SAMD3: variants seen among roughly 807,000 people sequenced by gnomAD.
SAMD3 encodes the protein sterile alpha motif domain-containing protein 3.
SAMD3 carries 63 observed loss-of-function variants against 58.5 expected under a neutral mutation model. That is an observed-to-expected ratio of 1.08 (90% CI 0.88 to 1.33). SAMD3 has a LOEUF of 1.33. SAMD3 is among the 40% of genes most tolerant of loss of function. The pLI is 0.00. For missense variants in SAMD3, 604 were observed against 608.4 expected (o/e 0.99, Z 0.08); for synonymous variants, 220 against 210.3 (o/e 1.05, Z -0.40).
At chr6:130,197,488 G>A (rs908633173) in intron 5 of SAMD3, among the ~76,000 whole-genome samples, 4 of 152,144 alleles carry the variant, frequency 2.6e-5, no homozygotes, top group Non-Finnish European at 5.9e-5. Context: ...GTCCTGAGTC[G>A]TCCCAATTCT....
At chr6:130,327,280 G>A (rs996374959) in intron 1 of SAMD3, among the ~76,000 whole-genome samples, 1 of 151,806 alleles carries the variant, frequency 6.6e-6, no homozygotes, top group Non-Finnish European at 1.5e-5. Flanking sequence ...AAAAATCAGA[G>A]GCTAAAGAAG....
At chr6:130,171,234 A>T (rs1791220193) in intron 8 of SAMD3, among the ~76,000 whole-genome samples, 1 of 152,168 alleles carries the variant, frequency 6.6e-6, no homozygotes, top group Non-Finnish European at 1.5e-5. Flanking sequence ...TATGTAATGG[A>T]TTATGTTTAT....
At chr6:130,227,616 C>T (rs1373774493), upstream of SAMD3, among the ~76,000 whole-genome samples, 2 of 152,006 alleles carry the variant, frequency 1.3e-5, no homozygotes, top group Non-Finnish European at 2.9e-5. Context: ...GGTGAAACCT[C>T]GTCTCTACCA....
At chr6:130,324,040 C>T (rs1040770865) in intron 1 of SAMD3, among the ~76,000 whole-genome samples, 1 of 151,254 alleles carries the variant, frequency 6.6e-6, no homozygotes, top group South Asian at 2.1e-4. Context: ...CATCTTGGAA[C>T]TTTTTTTTTA....
intron 2 of SAMD3, among the ~76,000 whole-genome samples, chr6:130,285,409 A>G (rs946242297): frequency 2.0e-5 from 3 of 152,186 alleles, no homozygotes; most frequent in Non-Finnish European, 2.9e-5. Context: ...CAGCCTCACT[A>G]GTAAAGAGAG....
chr6:130,336,041 C>T (rs1333855270), intron 1 of SAMD3, among the ~76,000 whole-genome samples: 1 of 152,154 alleles, frequency 6.6e-6, no homozygotes, highest in African/African-American at 2.4e-5. Context: ...GGAGGGATAG[C>T]ATTAGGAGAT....
At chr6:130,215,742 A>G in intron 2 of SAMD3, 1 of 1,503,128 alleles carries the variant, frequency 6.7e-7, no homozygotes, top group Non-Finnish European at 8.9e-7. Context: ...GGATCAGATA[A>G]AAGCCTGACA....
intron 5 of SAMD3, among the ~76,000 whole-genome samples, chr6:130,191,939 G>C (rs1793588452): frequency 1.3e-5 from 2 of 152,228 alleles, no homozygotes; most frequent in Admixed American, 6.5e-5. Context: ...CACTATGCAT[G>C]TGTTAGCAGT....
chr6:130,267,331 C>A (rs1774395734), intron 2 of SAMD3, among the ~76,000 whole-genome samples: 1 of 152,124 alleles, frequency 6.6e-6, no homozygotes, highest in South Asian at 2.1e-4. Context: ...TTGTTTGCTA[C>A]CCGTACTTCT....
rs543195013 is a variant in SAMD3 at position 130,350,050 on chromosome 6, T to C, written c.-304+15070A>G. 5.9e-5 allele frequency among the ~76,000 whole-genome samples: 9 copies of C among 152,238 alleles called. No homozygotes were observed. The South Asian group carries it at 1.9e-3, about 32-fold the overall frequency. On this transcript the variant is annotated intron_variant, in intron 1 of 13. Coordinates refer to the SAMD3 transcript ENST00000368134. Reference sequence around the variant, plus strand: ...TTCATACTAAAAACTCTCAATAAATTAGGTATTGATGTGATGTATCTCAAA... The same window carrying C: ...TTCATACTAAAAACTCTCAATAAATCAGGTATTGATGTGATGTATCTCAAA...
chr6:130,182,064 CA>C (rs61173557), intron 7 of SAMD3, among the ~76,000 whole-genome samples: 5,307 of 54,652 alleles, frequency 0.097, 117 homozygotes, highest in African/African-American at 0.12. Context: ...GACTCTGTCT[CA>C]AAAAAAAAAA....
At chr6:130,200,855 G>A (rs1275375884) in intron 5 of SAMD3, among the ~76,000 whole-genome samples, 1 of 152,014 alleles carries the variant, frequency 6.6e-6, no homozygotes, top group African/African-American at 2.4e-5. Context: ...GTGTGAAGAA[G>A]CCCTAGCTTT....
intron 2 of SAMD3, among the ~76,000 whole-genome samples, chr6:130,272,266 T>C (rs1355307835): frequency 6.6e-6 from 1 of 152,336 alleles, no homozygotes; most frequent in East Asian, 1.9e-4. Flanking sequence ...TGAAATGCTA[T>C]CTTTACTGAC....
chr6:130,300,101 T>G (rs2169826), intron 2 of SAMD3, among the ~76,000 whole-genome samples: 2,973 of 152,244 alleles, frequency 0.02, 51 homozygotes, highest in African/African-American at 0.045. Context: ...CTTCTCTAAC[T>G]CATTCTGTAA....
chr6:130,357,285 A>G (rs1347943629), intron 1 of SAMD3, among the ~76,000 whole-genome samples: 4 of 151,660 alleles, frequency 2.6e-5, no homozygotes, highest in Admixed American at 6.6e-5. Flanking sequence ...CCACCACGCC[A>G]GGCTAATTTT....
intron 2 of SAMD3, among the ~76,000 whole-genome samples, chr6:130,312,022 A>G (rs1776190925): frequency 6.6e-6 from 1 of 152,154 alleles, no homozygotes; most frequent in South Asian, 2.1e-4. Context: ...GAAACCACAG[A>G]TAGCAAAGAG....
At chr6:130,274,068 A>C (rs930964908) in intron 2 of SAMD3, among the ~76,000 whole-genome samples, 11 of 152,202 alleles carry the variant, frequency 7.2e-5, no homozygotes, top group Admixed American at 2.6e-4. Context: ...TTTATAAAGC[A>C]GTTCTGATAA....
intron 8 of SAMD3, among the ~76,000 whole-genome samples, chr6:130,155,241 G>T (rs984295152): frequency 6.6e-6 from 1 of 152,156 alleles, no homozygotes; most frequent in Non-Finnish European, 1.5e-5. Context: ...TCTCTTGAAA[G>T]ATCTAAAAGA....
At chr6:130,185,159 G>T (rs1002186554) in intron 5 of SAMD3, among the ~76,000 whole-genome samples, 1 of 152,024 alleles carries the variant, frequency 6.6e-6, no homozygotes, top group Non-Finnish European at 1.5e-5. Flanking sequence ...CAGATATTCC[G>T]ATTCTATCCA....
Sources: allele counts gnomAD v4.1 joint callset (sites outside exome capture counted in the v4.1 genomes callset), GRCh38; gene constraint gnomAD v4.1.1; transcripts MANE v1.5; gene names NCBI Gene and HGNC (gene_info 2026-07-23, HGNC 2026-07-21).